KCNQ1: variants seen among roughly 807,000 people sequenced by gnomAD.
The protein encoded by KCNQ1 is potassium voltage-gated channel subfamily KQT member 1.
A neutral mutation model predicts 72.4 loss-of-function variants in KCNQ1; 49 were observed. The observed-to-expected ratio is 0.68, with a 90% CI of 0.54 to 0.86. The LOEUF (loss-of-function observed/expected upper bound fraction) is 0.86, where lower values mean the gene tolerates loss of function less well. Ranked by LOEUF, KCNQ1 falls within the 40% of genes least tolerant of loss-of-function variation. The probability of loss-of-function intolerance (pLI) is 0.00; values close to 1 mark genes in which losing one functional copy is unlikely to be tolerated. For synonymous variants in KCNQ1, 450 were observed against 412.6 expected, an observed-to-expected ratio of 1.09 and a Z score of -1.10; for missense variants, 790 against 945.1, an observed-to-expected ratio of 0.84 and a Z score of 2.15.
Position 2,848,232 on chromosome 11 carries a change from G to A in KCNQ1, c.*229G>A. The A allele has an allele frequency of 1.5e-6, 1 of 655,348 alleles. No individual in the cohort carries two copies. The highest frequency in any genetic ancestry group is 2.8e-6 in the Non-Finnish European group (1 of 361,300). 40.6% of individuals were successfully genotyped at this position (655,348 alleles called of 1,614,324 possible). A position where few individuals can be genotyped will look rare whatever the true frequency, so the allele number is the denominator to read the frequency against. ...GGGGGCCCCGTCTCAGGTCTGAGTT[G>A]TTACCCCAAGCGCCCTGGCCCCCAC... On this transcript the variant is annotated 3_prime_UTR_variant, in exon 16 of 16. Transcript: ENST00000155840.
intron 6 of KCNQ1, among the ~76,000 whole-genome samples, chr11:2,582,076 C>A (rs779595466): frequency 6.6e-6 from 1 of 152,204 alleles, no homozygotes; most frequent in Non-Finnish European, 1.5e-5. Flanking sequence ...TGTGGCCTGG[C>A]GGCGGTGGCT....
At position 2,661,594 on chromosome 11, in the gene KCNQ1, T is replaced by C; in HGVS notation, c.1394-367T>C. ...TATGGTGGTGGGAGCTGTTGTCCCT[T>C]ACCAGGCCTGTGCCTGTCACCTCTG... On this transcript the variant is annotated intron_variant, in intron 10 of 15. Transcript: ENST00000155840. This position sits in a 1 kb window ranked among gnomAD's most constrained non-coding sequence, Gnocchi z 5.9. 1 of 572,188 alleles carries C rather than the reference T, an allele frequency of 1.7e-6. No individual in the cohort carries two copies. Among genetic ancestry groups the C allele is most frequent in the South Asian group, 2.4e-5 (1 of 42,022 alleles). The allele number at this position is 572,188 out of a possible 1,614,324, so 35.4% of individuals were successfully genotyped here.
At chr11:2,754,152 A>G (rs1463971847) in intron 11 of KCNQ1, among the ~76,000 whole-genome samples, 5 of 152,268 alleles carry the variant, frequency 3.3e-5, no homozygotes. Context: ...TGACTAAAAC[A>G]AAAAAGACAA....
At position 2,733,855 on chromosome 11, in the gene KCNQ1, CT is replaced by C. The variant is rs1190388997; in HGVS notation, c.1515-34988del. ...TCTCTCTCTCTCTCTCTCTCTCTCTCTCCCCCCCCACTTCAGGGCCTTCGCG... is the reference window on the plus strand; with the variant it reads ...TCTCTCTCTCTCTCTCTCTCTCTCTCCCCCCCCCACTTCAGGGCCTTCGCG... On this transcript the variant is annotated intron_variant, in intron 11 of 15. Transcript: ENST00000155840. Among the ~76,000 whole-genome samples the C allele has an allele frequency of 1.1e-3, 43 of 37,850 alleles. 7 individuals are homozygous for C. Among genetic ancestry groups the C allele is most frequent in the African/African-American group, 5.0e-3 (22 of 4,436 alleles). The allele number at this position is 37,850 out of a possible 152,430, so 24.8% of individuals were successfully genotyped here.
intron 11 of KCNQ1, chr11:2,667,769 G>A (rs1238482471): frequency 2.3e-5 from 9 of 398,602 alleles, no homozygotes; most frequent in Non-Finnish European, 3.1e-5. Flanking sequence ...GGCCCTGAAG[G>A]CCAGGGCTAT....
chr11:2,804,921 A>G (rs1847341759), intron 15 of KCNQ1, among the ~76,000 whole-genome samples: 1 of 152,262 alleles, frequency 6.6e-6, no homozygotes, highest in African/African-American at 2.4e-5. Context: ...TCACCGGAAC[A>G]TGTGACAACA....
rs570911221 is a variant in KCNQ1, at chr11:2,608,195, AT to A, written c.1393+19343del. 1 of 389,826 alleles carries A rather than the reference AT, an allele frequency of 2.6e-6. No homozygotes were observed. Among genetic ancestry groups the A allele is most frequent in the African/African-American group, 2.1e-5 (1 of 48,586 alleles). 24.1% of individuals were successfully genotyped at this position (389,826 alleles called of 1,614,324 possible). ...TTGTTGTTGGAAGAGGTCATAAAGA[AT>A]TGATATTCTTTAGATATTTGTTAGA... On this transcript the variant is annotated intron_variant, in intron 10 of 15. Transcript: ENST00000155840. This position sits in a 1 kb window ranked among gnomAD's most constrained non-coding sequence, Gnocchi z 4.6.
chr11:2,521,055 T>C (rs1157748262), intron 1 of KCNQ1, among the ~76,000 whole-genome samples: 18 of 152,156 alleles, frequency 1.2e-4, no homozygotes, highest in Non-Finnish European at 1.5e-5. Flanking sequence ...AAGTTTTTTT[T>C]TTATTGTGAT....
In KCNQ1 at chr11:2,725,405, C is replaced by T. The variant is rs1258131926; in HGVS notation, c.1515-43439C>T. On this transcript the variant is annotated intron_variant, in intron 11 of 15. Coordinates refer to ENST00000155840, the MANE Select transcript of KCNQ1 (RefSeq NM_000218.3). The surrounding 1 kb of genome is among the most constrained non-coding windows in gnomAD (Gnocchi z 7.2). ...TTCCTGCCTTCCAAAACAGGAGAGG[C>T]AACTTGGCCTGCTTTTTCCTCAGAA... 6.6e-6 allele frequency among the ~76,000 whole-genome samples: 1 copy of T among 152,182 alleles called. No homozygotes were observed. Among genetic ancestry groups the T allele is most frequent in the Non-Finnish European group, 1.5e-5 (1 of 68,042 alleles).
At position 2,583,603 on chromosome 11, in the gene KCNQ1, G is replaced by A; in HGVS notation, c.1032+58G>A. On this transcript the variant is annotated intron_variant, in intron 7 of 15. Coordinates refer to ENST00000155840, the MANE Select transcript of KCNQ1 (RefSeq NM_000218.3). ...CCTTGGACAGCTGGGGTCCTGGGGT[G>A]GCTGCACGCCCCTCCCTGTGAGCAG... 2.5e-6 allele frequency: 3 copies of A among 1,183,782 alleles called. No homozygotes were observed. In the South Asian group the frequency reaches 3.6e-5, roughly 14 times the overall value. 73.3% of individuals were successfully genotyped at this position (1,183,782 alleles called of 1,614,324 possible).
intron 10 of KCNQ1, chr11:2,616,433 A>C (rs1037249615): frequency 5.0e-6 from 2 of 397,360 alleles, no homozygotes; most frequent in Non-Finnish European, 8.9e-6. Context: ...CTCTCTTTTA[A>C]CTTTAGGTTT....
At chr11:2,556,360 A>G (rs1481598124) in intron 2 of KCNQ1, among the ~76,000 whole-genome samples, 1 of 152,200 alleles carries the variant, frequency 6.6e-6, no homozygotes, top group Non-Finnish European at 1.5e-5. Context: ...CGGGGGACAC[A>G]GTTTAGCCGG....
Position 2,587,641 on chromosome 11 carries a change from C to T in KCNQ1, c.1200C>T (p.Pro400=), listed in dbSNP as rs1311959854. The T allele has an allele frequency of 6.2e-7, 1 of 1,613,986 alleles. No homozygotes were observed. The highest frequency in any genetic ancestry group is 1.7e-5 in the Admixed American group (1 of 60,028). The change falls in exon 9 of 16, where the codon CCC becomes CCT. Residue 400 remains proline, a synonymous_variant. Transcript: ENST00000155840. ...GGAAGATCTACATCCGGAAGGCCCC[C>T]CGGAGCCACACTCTGCTGTCACCCA... ...STWKIYIRKA[P]RSHTLLSPSP...
At position 2,447,330 on chromosome 11, in the gene KCNQ1, G is replaced by A. The variant is rs1023669744; in HGVS notation, c.386+1846G>A. ...CTTCTGTGAAGGGGTGGCCAGGAAA[G>A]GGATGCTTCTGTGAAGTGGCCAGAT... On this transcript the variant is annotated intron_variant, in intron 1 of 15. Transcript: ENST00000155840. The surrounding 1 kb of genome is among the most constrained non-coding windows in gnomAD (Gnocchi z 7.6). Among the ~76,000 whole-genome samples the A allele has an allele frequency of 6.6e-6, 1 of 152,300 alleles. No individual in the cohort carries two copies. Among genetic ancestry groups the A allele is most frequent in the East Asian group, 1.9e-4 (1 of 5,174 alleles).
intron 1 of KCNQ1, among the ~76,000 whole-genome samples, chr11:2,518,181 C>A (rs1462005707): frequency 6.6e-6 from 1 of 152,248 alleles, no homozygotes; most frequent in Non-Finnish European, 1.5e-5. Flanking sequence ...CCTGGGGAGC[C>A]CCTGCTCTGG....
In KCNQ1 at chr11:2,612,485, G is replaced by C. The variant is rs7942590; in HGVS notation, c.1393+23631G>C. ...TGAATCATCTTTATGGATCTGCGTT[G>C]AAGTTCATTGATTCTTTCTTCTGCC... On this transcript the variant is annotated intron_variant, in intron 10 of 15. Transcript: ENST00000155840. This position sits in a 1 kb window ranked among gnomAD's most constrained non-coding sequence, Gnocchi z 5.5. 0.59 allele frequency: 235,956 copies of C among 398,354 alleles called. 71,503 individuals carry two copies. Among genetic ancestry groups the C allele is most frequent in the East Asian group, 0.8 (22,469 of 28,068 alleles). The allele number at this position is 398,354 out of a possible 1,614,324, so 24.7% of individuals were successfully genotyped here.
intron 15 of KCNQ1, among the ~76,000 whole-genome samples, chr11:2,796,767 CG>C (rs1280371996): frequency 1.3e-5 from 2 of 152,196 alleles, no homozygotes; most frequent in African/African-American, 4.8e-5. Context: ...CCGGCGGCAG[CG>C]GCTCTCGGCC....
chr11:2,502,013 T>C (rs181530715), intron 1 of KCNQ1, among the ~76,000 whole-genome samples: 348 of 152,268 alleles, frequency 2.3e-3, no homozygotes, highest in African/African-American at 7.6e-3. Flanking sequence ...ACATAAAAAC[T>C]GTCAAAAACC....
Position 2,682,020 on chromosome 11 carries a change from CAAG to C in KCNQ1, c.1514+19942_1514+19944del. The C allele has an allele frequency of 2.5e-6, 1 of 398,612 alleles. No individual in the cohort carries two copies. The highest frequency in any genetic ancestry group is 4.4e-6 in the Non-Finnish European group (1 of 226,058). 24.7% of individuals were successfully genotyped at this position (398,612 alleles called of 1,614,324 possible). ...CTAATCCTCACAGCAGCTTTTAACA[CAAG>C]AATATTATCACTCCTGTTTTATAGA... On this transcript the variant is annotated intron_variant, in intron 11 of 15. Transcript: ENST00000155840. This position sits in a 1 kb window ranked among gnomAD's most constrained non-coding sequence, Gnocchi z 5.8.
Sources: gnomAD v4.1 joint callset for allele counts (sites outside exome capture counted in the v4.1 genomes callset) on GRCh38, gnomAD v4.1.1 for gene constraint, Gnocchi (gnomAD v3.1) non-coding constraint, MANE v1.5 for transcripts, NCBI Gene and HGNC (gene_info 2026-07-23, HGNC 2026-07-21) for gene names.